MLPH: variants seen among roughly 807,000 people sequenced by gnomAD.
MLPH encodes the protein melanophilin.
A neutral mutation model predicts 72.1 loss-of-function variants in MLPH; 51 were observed. The ratio of observed to expected loss-of-function variants is 0.71; its 90% CI spans 0.56 to 0.89. MLPH has a LOEUF of 0.89. Ranked by LOEUF, MLPH falls within the 40% of genes least tolerant of loss-of-function variation. The pLI, the probability that MLPH is intolerant of heterozygous loss-of-function variation, is 0.00. For synonymous variants in MLPH, 301 were observed against 310.1 expected, an observed-to-expected ratio of 0.97 and a Z score of 0.31; for missense variants, 743 against 759.9, an observed-to-expected ratio of 0.98 and a Z score of 0.26.
chr2:237,515,108 A>G lies in MLPH; in HGVS notation c.446-3431A>G, dbSNP rs529848028. On this transcript the variant is annotated intron_variant, in intron 4 of 15. Transcript: ENST00000264605. ...CTTAATTTTCCAACCCATGTAAAAG[A>G]TCACTGCTGGCTCAGGACAGAGCCT... 9.8e-5 allele frequency among the ~76,000 whole-genome samples: 15 copies of G among 152,360 alleles called. No homozygotes were observed. In the East Asian group the frequency reaches 2.9e-3, roughly 29 times the overall value.
upstream of MLPH, chr2:237,486,583 A>AACCACCGCGCCGCGCGTCCTGGC (rs2079322973): frequency 1.3e-5 from 2 of 152,180 alleles, no homozygotes; most frequent in Non-Finnish European, 2.9e-5. Flanking sequence ...TCGGTCCTGG[A>AACCACCGCGCCGCGCGTCCTGGC]ACCACCGCGC....
Position 237,541,637 on chromosome 2 carries a change from C to A in MLPH, c.1446+680C>A, listed in dbSNP as rs1574896208. Reference sequence around the variant, plus strand: ...CGAGTCAGGCTCTGGACTTTCCCTTCATGTATTCCTTCTTGCTTTGCAAAT... The same window carrying A: ...CGAGTCAGGCTCTGGACTTTCCCTTAATGTATTCCTTCTTGCTTTGCAAAT... On this transcript the variant is annotated intron_variant, in intron 11 of 15. Transcript: ENST00000264605. This position sits in a 1 kb window ranked among gnomAD's most constrained non-coding sequence, Gnocchi z 5.1. 6.6e-6 allele frequency among the ~76,000 whole-genome samples: 1 copy of A among 152,242 alleles called. No individual in the cohort carries two copies. The highest frequency in any genetic ancestry group is 1.5e-5 in the Non-Finnish European group (1 of 68,042).
rs2081084522 is a variant in MLPH, at chr2:237,553,797, C to A, written c.*205C>A. ...TGCTCACCTGGGTTTACTGATGACT[C>A]CTGGCTGCCCCACCATCCTCTCTGA... On this transcript the variant is annotated 3_prime_UTR_variant, in exon 16 of 16. Transcript: ENST00000264605. 4.0e-6 allele frequency: 3 copies of A among 749,300 alleles called. No homozygotes were observed. In the African/African-American group the frequency reaches 5.2e-5, roughly 13 times the overall value. 46.4% of individuals were successfully genotyped at this position (749,300 alleles called of 1,614,324 possible).
intron 2 of MLPH, among the ~76,000 whole-genome samples, chr2:237,496,826 T>C (rs539261489): frequency 6.6e-6 from 1 of 152,336 alleles, no homozygotes; most frequent in East Asian, 1.9e-4. Flanking sequence ...ATGAAAAGCC[T>C]GTGTCAAGGT....
rs116766015 is a variant in MLPH at position 237,501,313 on chromosome 2, C to T, written c.110+7777C>T. On this transcript the variant is annotated intron_variant, in intron 2 of 15. Transcript: ENST00000264605. The stretch of plus-strand genomic sequence containing the variant: ...TCTATTGTCTCCTTTAACCCTCAGA[C>T]ACCCCTGTGATGTGGTTACTTTTAC... Among the ~76,000 whole-genome samples, 526 of 152,268 alleles carry T rather than the reference C, an allele frequency of 3.5e-3. 2 individuals are homozygous for T. The highest frequency in any genetic ancestry group is 0.011 in the African/African-American group (465 of 41,546).
chr2:237,499,506 G>GC (rs879280384), intron 2 of MLPH, among the ~76,000 whole-genome samples: 6 of 152,102 alleles, frequency 3.9e-5, no homozygotes, highest in Non-Finnish European at 7.4e-5. Flanking sequence ...CAGGTCCTCT[G>GC]CTGGAAGTCA....
intron 15 of MLPH, chr2:237,553,116 C>G (rs932877725): frequency 7.4e-5 from 35 of 472,600 alleles, no homozygotes; most frequent in Middle Eastern, 3.3e-4. Context: ...TGGCCCCAAC[C>G]AATGTGATCA....
intron 6 of MLPH, among the ~76,000 whole-genome samples, chr2:237,520,705 G>A (rs2080163874): frequency 6.6e-6 from 1 of 152,056 alleles, no homozygotes; most frequent in Non-Finnish European, 1.5e-5. Context: ...AGGATTAGAA[G>A]GGATGGGATA....
chr2:237,550,372 G>A (rs1282016228), intron 14 of MLPH, among the ~76,000 whole-genome samples: 4 of 152,206 alleles, frequency 2.6e-5, no homozygotes, highest in Non-Finnish European at 5.9e-5. Flanking sequence ...CTGGGATACA[G>A]CTGGTGCCCA....
At chr2:237,533,390 C>CTTTTTTTTTTTTTTTTTTT (rs746139615) in intron 8 of MLPH, among the ~76,000 whole-genome samples, 15 of 108,008 alleles carry the variant, frequency 1.4e-4, no homozygotes, top group Non-Finnish European at 1.6e-4. Context: ...ATTTTCTTTT[C>CTTTTTTTTTTTTTTTTTTT]TTTTTTTTTT....
chr2:237,493,535 G>A lies in MLPH; in HGVS notation c.109G>A (p.Glu37Lys). The change falls in exon 2 of 16, where the codon GAG (glutamate) becomes AAG (lysine). Residue 37 changes from glutamate (E) to lysine (K), a missense_variant and splice_region_variant. Transcript: ENST00000264605. ...CCGAAGGAAAGAAGAGGAACGGCTA[G>A]AGTGAGTGTGCCGTGCTGAGCCCAC... ...DLRRKEEERL[E>K]ALKGKIKKES... 1 of 1,612,378 alleles carries A rather than the reference G, an allele frequency of 6.2e-7. No individual in the cohort carries two copies. Among genetic ancestry groups the A allele is most frequent in the Middle Eastern group, 1.7e-4 (1 of 6,052 alleles).
chr2:237,492,182 A>G (rs1429122953), intron 1 of MLPH, among the ~76,000 whole-genome samples: 4 of 152,148 alleles, frequency 2.6e-5, no homozygotes, highest in African/African-American at 9.6e-5. Flanking sequence ...TGACATTTGG[A>G]TTTTCCTTCC....
intron 2 of MLPH, among the ~76,000 whole-genome samples, chr2:237,509,621 G>T (rs752614461): frequency 3.2e-4 from 49 of 152,324 alleles, no homozygotes; most frequent in Middle Eastern, 3.4e-3. Context: ...TCCTACAACT[G>T]CTTGACCCTT....
chr2:237,506,475 G>A (rs1046280696), intron 2 of MLPH, among the ~76,000 whole-genome samples: 4 of 152,140 alleles, frequency 2.6e-5, no homozygotes, highest in African/African-American at 7.2e-5. Context: ...CAAGTTCCTC[G>A]AGTGAGCAAT....
intron 14 of MLPH, chr2:237,551,887 A>G (rs13383556): frequency 0.27 from 44,434 of 163,346 alleles, 8,382 homozygotes; most frequent in African/African-American, 0.54. Context: ...GCTGAGGCAG[A>G]AGAATCACTT....
At chr2:237,546,900 GT>G (rs965942702) in intron 13 of MLPH, among the ~76,000 whole-genome samples, 90 of 152,322 alleles carry the variant, frequency 5.9e-4, no homozygotes, top group African/African-American at 2.1e-3. Context: ...AGATGCATTT[GT>G]TGAAAATCCA....
intron 9 of MLPH, among the ~76,000 whole-genome samples, chr2:237,540,073 G>A (rs2080635548): frequency 1.3e-5 from 2 of 152,346 alleles, no homozygotes; most frequent in South Asian, 4.1e-4. Flanking sequence ...TTAAACAAAA[G>A]GGATGAGAAG....
intron 2 of MLPH, among the ~76,000 whole-genome samples, chr2:237,503,023 G>A (rs2079684104): frequency 6.6e-6 from 1 of 152,178 alleles, no homozygotes; most frequent in South Asian, 2.1e-4. Context: ...GGAGGCTGAG[G>A]CAGGAGAATC....
At chr2:237,517,687 GGA>G (rs2080073799) in intron 4 of MLPH, among the ~76,000 whole-genome samples, 1 of 57,564 alleles carries the variant, frequency 1.7e-5, no homozygotes, top group Non-Finnish European at 2.9e-5. Context: ...GTAGATGGGT[GGA>G]TGGATGGATG....
Sources: gnomAD v4.1 joint callset for allele counts (sites outside exome capture counted in the v4.1 genomes callset) on GRCh38, gnomAD v4.1.1 for gene constraint, Gnocchi (gnomAD v3.1) non-coding constraint, MANE v1.5 for transcripts, NCBI Gene and HGNC (gene_info 2026-07-23, HGNC 2026-07-21) for gene names.